Variants in NOL4 observed in about 807,000 individuals in gnomAD.
NOL4 encodes the protein cancer/testis antigen 125.
Under a neutral mutation model 75.9 loss-of-function variants are expected in NOL4, and 17 were observed. The observed-to-expected ratio is 0.22, with a 90% CI of 0.15 to 0.34. The LOEUF (loss-of-function observed/expected upper bound fraction) is 0.34. Ranked by LOEUF, NOL4 falls within the 10% of genes least tolerant of loss-of-function variation. NOL4 has a pLI of 1.00. For synonymous variants in NOL4, 292 were observed against 289.9 expected, an observed-to-expected ratio of 1.01 and a Z score of -0.07; for missense variants, 614 against 793.5, an observed-to-expected ratio of 0.77 and a Z score of 2.72.
At chr18:34,013,202 G>A (rs2074478479) in intron 6 of NOL4, among the ~76,000 whole-genome samples, 1 of 151,844 alleles carries the variant, frequency 6.6e-6, no homozygotes, top group South Asian at 2.1e-4. Context: ...CCTTTATCCT[G>A]TGGCTAAAGT....
At chr18:34,088,880 C>T (rs1370695542) in intron 5 of NOL4, among the ~76,000 whole-genome samples, 2 of 151,986 alleles carry the variant, frequency 1.3e-5, no homozygotes, top group African/African-American at 2.4e-5. Context: ...GAATACTATA[C>T]ATTAATCCTG....
intron 10 of NOL4, among the ~76,000 whole-genome samples, chr18:33,879,981 T>C (rs2064161162): frequency 6.6e-6 from 1 of 152,114 alleles, no homozygotes; most frequent in Middle Eastern, 3.2e-3. Flanking sequence ...CTAGTCATGA[T>C]AGTACCTTTT....
intron 8 of NOL4, among the ~76,000 whole-genome samples, chr18:33,952,243 A>G (rs576307943): frequency 6.3e-4 from 96 of 152,282 alleles, no homozygotes; most frequent in African/African-American, 2.2e-3. Context: ...AGTAGCTCTG[A>G]AAAATATATT....
intron 1 of NOL4, among the ~76,000 whole-genome samples, chr18:34,157,392 C>T (rs1340311720): frequency 6.6e-6 from 1 of 151,808 alleles, no homozygotes; most frequent in Non-Finnish European, 1.5e-5. Flanking sequence ...ATAGAAAATA[C>T]AATAAGAAAA....
intron 6 of NOL4, among the ~76,000 whole-genome samples, chr18:34,002,469 C>T (rs1943694665): frequency 6.6e-6 from 1 of 152,036 alleles, no homozygotes; most frequent in East Asian, 1.9e-4. Context: ...GTCCTGACTC[C>T]CAAGACCCAA....
Position 33,852,765 on chromosome 18 carries a change from T to C in NOL4, c.*77A>G. On this transcript the variant is annotated 3_prime_UTR_variant, in exon 11 of 11. Coordinates refer to ENST00000261592, the MANE Select transcript of NOL4 (RefSeq NM_003787.5). ...AAAGACTGTGCAGTAAGACCAGAAG[T>C]ATCTCTGTTGGGAAATCAAAATGTC... is the stretch of plus-strand genomic sequence containing the variant. The C allele has an allele frequency of 8.1e-7, 1 of 1,240,162 alleles. No individual in the cohort carries two copies. Among genetic ancestry groups the C allele is most frequent in the Non-Finnish European group, 1.1e-6 (1 of 872,338 alleles). 76.8% of individuals were successfully genotyped at this position (1,240,162 alleles called of 1,614,324 possible).
chr18:33,882,113 C>A (rs1233105555), intron 10 of NOL4, among the ~76,000 whole-genome samples: 1 of 152,118 alleles, frequency 6.6e-6, no homozygotes. Flanking sequence ...TAGAAGAAAA[C>A]CTAGGCATTA....
intron 1 of NOL4, chr18:34,183,651 T>C (rs962785356): frequency 2.6e-5 from 4 of 152,082 alleles, no homozygotes; most frequent in Non-Finnish European, 5.9e-5. Flanking sequence ...TATTTAGCAA[T>C]TAAAATGAAC....
At chr18:33,912,732 C>T (rs189817589) in intron 9 of NOL4, among the ~76,000 whole-genome samples, 68 of 152,162 alleles carry the variant, frequency 4.5e-4, no homozygotes, top group Admixed American at 2.0e-3. Flanking sequence ...TTACTCTCTT[C>T]TACTAGGTAT....
chr18:34,021,436 A>G (rs2075032773), intron 5 of NOL4, among the ~76,000 whole-genome samples: 1 of 152,206 alleles, frequency 6.6e-6, no homozygotes, highest in Admixed American at 6.5e-5. Context: ...CTGGAGTGCA[A>G]GAAAAGAGAA....
chr18:33,902,401 T>G (rs1014339887), intron 9 of NOL4, among the ~76,000 whole-genome samples: 1 of 152,164 alleles, frequency 6.6e-6, no homozygotes, highest in Non-Finnish European at 1.5e-5. Context: ...ATGCTCTCCT[T>G]CAACTTCTTC....
chr18:34,110,307 T>G (rs987918410), intron 2 of NOL4, among the ~76,000 whole-genome samples: 5 of 151,842 alleles, frequency 3.3e-5, no homozygotes, highest in African/African-American at 4.8e-5. Flanking sequence ...CAAACAAAAT[T>G]TAAAAGCACA....
chr18:33,973,836 C>T (rs577450208), intron 6 of NOL4, among the ~76,000 whole-genome samples: 14 of 152,262 alleles, frequency 9.2e-5, no homozygotes, highest in Admixed American at 8.5e-4. Context: ...CATCTAGGCT[C>T]TGTTCCATTT....
rs75450602 is a variant in NOL4, at chr18:34,034,160, C to G, written c.773-14559G>C. ...AGGAAGAGAAAGGACTCAATGATAA[C>G]ACTACAGAAAACCACCAAACCAAAA... On this transcript the variant is annotated intron_variant, in intron 5 of 10. Coordinates refer to ENST00000261592, the MANE Select transcript of NOL4 (RefSeq NM_003787.5). Among the ~76,000 whole-genome samples, 151 of 152,166 alleles carry G rather than the reference C, an allele frequency of 9.9e-4. 3 individuals are homozygous for G. The East Asian group carries it at 0.026, about 27-fold the overall frequency.
At chr18:33,886,633 C>A (rs1347364432) in intron 9 of NOL4, among the ~76,000 whole-genome samples, 1 of 149,916 alleles carries the variant, frequency 6.7e-6, no homozygotes, top group African/African-American at 2.4e-5. Context: ...ATTAAAATAA[C>A]TCAGAGAGTG....
At chr18:34,196,896 G>A (rs1307578453) in intron 1 of NOL4, among the ~76,000 whole-genome samples, 4 of 151,970 alleles carry the variant, frequency 2.6e-5, no homozygotes, top group Non-Finnish European at 1.5e-5. Flanking sequence ...GAGAAGGCTT[G>A]GTAAATTAAT....
rs571500075 is a variant in NOL4 at position 33,939,547 on chromosome 18, G to T, written c.1542+3518C>A. On this transcript the variant is annotated intron_variant, in intron 9 of 10. Transcript: ENST00000261592. ...TTGTCTTTATAGCAATTGTGAATGG[G>T]AGTTCACTCATGATTTGGATATGTT... 7.2e-5 allele frequency among the ~76,000 whole-genome samples: 11 copies of T among 152,140 alleles called. 1 individual carries two copies. The highest frequency in any genetic ancestry group is 7.2e-4 in the Admixed American group (11 of 15,262).
intron 2 of NOL4, among the ~76,000 whole-genome samples, chr18:34,115,289 T>A (rs2079799839): frequency 6.6e-6 from 1 of 151,924 alleles, no homozygotes; most frequent in African/African-American, 2.4e-5. Flanking sequence ...GCTGCACCAA[T>A]CGAAAGAACT....
intron 1 of NOL4, among the ~76,000 whole-genome samples, chr18:34,199,616 AAC>A (rs2035590981): frequency 6.6e-6 from 1 of 151,904 alleles, no homozygotes; most frequent in African/African-American, 2.4e-5. Flanking sequence ...CCAGAAGATG[AAC>A]ACGTCAGTGT....
Sources: allele counts gnomAD v4.1 joint callset (sites outside exome capture counted in the v4.1 genomes callset), GRCh38; gene constraint gnomAD v4.1.1; transcripts MANE v1.5; gene names NCBI Gene and HGNC (gene_info 2026-07-23, HGNC 2026-07-21).